HCAR2: variants seen among roughly 807,000 people sequenced by gnomAD.
HCAR2 encodes hydroxycarboxylic acid receptor 2, also known as G protein-coupled receptor HM74a.
For missense variants in HCAR2, 346 were observed against 476.6 expected, an observed-to-expected ratio of 0.73 and a Z score of 2.55; for synonymous variants, 156 against 189.4, an observed-to-expected ratio of 0.82 and a Z score of 1.45.
chr12:122,702,766 C>T lies in HCAR2; in HGVS notation c.518G>A (p.Gly173Asp), dbSNP rs144376493. 1.9e-6 allele frequency: 3 copies of T among 1,614,062 alleles called. No individual in the cohort carries two copies. The Admixed American group carries it at 5.0e-5, about 27-fold the overall frequency. Residue 173 changes from glycine to aspartate, a missense_variant, in exon 1 of 1, where the codon GGT becomes GAT. Transcript: ENST00000328880. The part of the protein sequence containing the change: ...LKKKMPIQNG[G>D]ANLCSSFSIC... ...GCTGAAGCTGCTGCACAAATTTGCA[C>T]CGCCATTCTGGATCGGCATCTTCTT...
Position 122,702,321 on chromosome 12 carries a change from T to C in HCAR2, c.963A>G (p.Pro321=). 6.2e-7 allele frequency: 1 copy of C among 1,614,188 alleles called. No individual in the cohort carries two copies. The highest frequency in any genetic ancestry group is 8.5e-7 in the Non-Finnish European group (1 of 1,179,998). The change falls in exon 1 of 1, where the codon CCA becomes CCG. Residue 321 remains proline, a synonymous_variant. Transcript: ENST00000328880. The part of the protein sequence containing the change: ...RCLQRKMTGE[P]DNNRSTSVEL... ...CGACGCTCGTGCTGCGGTTATTATC[T>C]GGCTCACCTGTCATCTTCCTCTGGA...
In HCAR2 at chr12:122,701,387, G is replaced by A. The variant is rs1445313188; in HGVS notation, c.*805C>T. 1.3e-5 allele frequency: 2 copies of A among 152,282 alleles called. No individual in the cohort carries two copies. The highest frequency in any genetic ancestry group is 3.8e-4 in the East Asian group (2 of 5,204). 9.4% of individuals were successfully genotyped at this position (152,282 alleles called of 1,614,324 possible). Reference sequence around the variant, plus strand: ...GAGGAACGTGCACCCCTCTAACTGTGGGGCAGAGGCACATTTCCCTTTTAA... The same window carrying A: ...GAGGAACGTGCACCCCTCTAACTGTAGGGCAGAGGCACATTTCCCTTTTAA... On this transcript the variant is annotated 3_prime_UTR_variant, in exon 1 of 1. Coordinates refer to ENST00000328880, the MANE Select transcript of HCAR2 (RefSeq NM_177551.4).
rs1360660857 is a variant in HCAR2, at chr12:122,703,028, T to A, written c.256A>T (p.Asn86Tyr). ...LIICLPFLMD[N>Y]YVRRWDWKFG... ...TTCCAGTCCCAACGCCTCACATAGT[T>A]GTCCATCAGGAAGGGCAGGCAGATG... The change falls in exon 1 of 1, where the codon AAC (asparagine) becomes TAC (tyrosine). Residue 86 changes from asparagine (N) to tyrosine (Y), a missense_variant. Asn to Tyr is a moderately radical substitution (Grantham distance 143). Transcript: ENST00000328880. The A allele has an allele frequency of 6.2e-7, 1 of 1,614,042 alleles. No individual in the cohort carries two copies.
chr12:122,701,606 C>G lies in HCAR2; in HGVS notation c.*586G>C, dbSNP rs190136170. ...TGGGGCTAATCCCCTATTACACCCACCGGAAACACAGATATTAACCAAAGC... is the reference window on the plus strand; with the variant it reads ...TGGGGCTAATCCCCTATTACACCCAGCGGAAACACAGATATTAACCAAAGC... On this transcript the variant is annotated 3_prime_UTR_variant, in exon 1 of 1. Transcript: ENST00000328880. 6.0e-6 allele frequency: 1 copy of G among 165,392 alleles called. No individual in the cohort carries two copies. The highest frequency in any genetic ancestry group is 1.7e-4 in the East Asian group (1 of 6,024). 10.2% of individuals were successfully genotyped at this position (165,392 alleles called of 1,614,324 possible).
rs1385055093 is a variant in HCAR2, at chr12:122,703,042, G to A, written c.242C>T (p.Pro81Leu). The A allele has an allele frequency of 6.2e-7, 1 of 1,614,006 alleles. No individual in the cohort carries two copies. The highest frequency in any genetic ancestry group is 8.5e-7 in the Non-Finnish European group (1 of 1,180,024). Residue 81 changes from proline to leucine, a missense_variant, in exon 1 of 1, where the codon CCC (proline) becomes CTC (leucine). Coordinates refer to ENST00000328880, the MANE Select transcript of HCAR2 (RefSeq NM_177551.4). ...VADFLLIICL[P>L]FLMDNYVRRW... The stretch of plus-strand genomic sequence containing the variant: ...CCTCACATAGTTGTCCATCAGGAAG[G>A]GCAGGCAGATGATCAGTAGAAAGTC...
At position 122,701,876 on chromosome 12, in the gene HCAR2, A is replaced by G. The variant is rs1877081116; in HGVS notation, c.*316T>C. On this transcript the variant is annotated 3_prime_UTR_variant, in exon 1 of 1. Transcript: ENST00000328880. ...GTGGGAAGAAGGCCAACAAGTCACAAGTAGATCTCTGGCTCCAACTCTGCT... is the reference window on the plus strand; with the variant it reads ...GTGGGAAGAAGGCCAACAAGTCACAGGTAGATCTCTGGCTCCAACTCTGCT... The G allele has an allele frequency of 1.0e-5, 5 of 498,706 alleles. No homozygotes were observed. In the East Asian group the frequency reaches 1.4e-4, roughly 14 times the overall value. The allele number at this position is 498,706 out of a possible 1,614,324, so 30.9% of individuals were successfully genotyped here. A position where few individuals can be genotyped will look rare whatever the true frequency, so the allele number is the denominator to read the frequency against.
chr12:122,703,291 G>C lies in HCAR2; in HGVS notation c.-8C>G. The C allele has an allele frequency of 2.5e-6, 4 of 1,612,776 alleles. No homozygotes were observed. Among genetic ancestry groups the C allele is most frequent in the Non-Finnish European group, 3.4e-6 (4 of 1,178,896 alleles). ...CAGATGGTGCCGATTCATGAGTGCG[G>C]CTAGTGAGTCCGATGGAGCGCCTCG... On this transcript the variant is annotated 5_prime_UTR_variant, in exon 1 of 1. Coordinates refer to ENST00000328880, the MANE Select transcript of HCAR2 (RefSeq NM_177551.4).
rs761348052 is a variant in HCAR2 at position 122,702,927 on chromosome 12, C to T, written c.357G>A (p.Thr119=). 17 of 1,613,984 alleles carry T rather than the reference C, an allele frequency of 1.1e-5. No individual in the cohort carries two copies. Among genetic ancestry groups the T allele is most frequent in the Non-Finnish European group, 1.4e-5 (17 of 1,180,036 alleles). ...GGAAATACCTGTCTACCGCCACCACCGTGAGGAAGATGATGCTGCCCTGGC... is the reference window on the plus strand; with the variant it reads ...GGAAATACCTGTCTACCGCCACCACTGTGAGGAAGATGATGCTGCCCTGGC... ...MNRQGSIIFL[T]VVAVDRYFRV... is the part of the protein sequence containing the mutation. Residue 119 remains threonine (T), a synonymous_variant, in exon 1 of 1, where the codon ACG becomes ACA. Coordinates refer to ENST00000328880, the MANE Select transcript of HCAR2 (RefSeq NM_177551.4).
In HCAR2 at chr12:122,702,181, G is replaced by T. The variant is rs781418305; in HGVS notation, c.*11C>A. On this transcript the variant is annotated 3_prime_UTR_variant, in exon 1 of 1. Coordinates refer to ENST00000328880, the MANE Select transcript of HCAR2 (RefSeq NM_177551.4). ...GTTCTTGGTGACAATGTCCCTTCTTGGCATGGTTATTTAAGGAGAGGTTGG... is the reference window on the plus strand; with the variant it reads ...GTTCTTGGTGACAATGTCCCTTCTTTGCATGGTTATTTAAGGAGAGGTTGG... 3 of 1,613,980 alleles carry T rather than the reference G, an allele frequency of 1.9e-6. No individual in the cohort carries two copies. In the South Asian group the frequency reaches 3.3e-5, roughly 18 times the overall value.
rs769324287 is a variant in HCAR2 at position 122,702,213 on chromosome 12, A to G, written c.1071T>C (p.Tyr357=). ...TTATTTAAGGAGAGGTTGGGCCCAG[A>G]TAAGAGGGGCTCCATGGCTCACCGG... ...ANSGEPWSPS[Y]LGPTSP Residue 357 remains tyrosine (Y), a synonymous_variant, in exon 1 of 1, where the codon TAT becomes TAC. Transcript: ENST00000328880. The G allele has an allele frequency of 1.2e-6, 2 of 1,614,198 alleles. No individual in the cohort carries two copies.
rs201792054 is a variant in HCAR2 at position 122,703,000 on chromosome 12, A to G, written c.284T>C (p.Phe95Ser). 5.0e-6 allele frequency: 8 copies of G among 1,614,118 alleles called. No homozygotes were observed. The highest frequency in any genetic ancestry group is 1.7e-6 in the Non-Finnish European group (2 of 1,180,012). The change falls in exon 1 of 1, where the codon TTT becomes TCT. Residue 95 changes from phenylalanine to serine, a missense_variant. Physicochemically the swap from Phe to Ser is radical, Grantham distance 155. Coordinates refer to ENST00000328880, the MANE Select transcript of HCAR2 (RefSeq NM_177551.4). ...CATCAGCCGGCAAGGGATGTCCCCA[A>G]ACTTCCAGTCCCAACGCCTCACATA... ...DNYVRRWDWK[F>S]GDIPCRLMLF...
At position 122,701,986 on chromosome 12, in the gene HCAR2, C is replaced by G; in HGVS notation, c.*206G>C. On this transcript the variant is annotated 3_prime_UTR_variant, in exon 1 of 1. Transcript: ENST00000328880. ...AAGTTTCAGATGCCTAGAAGCTTTACTCTCTATTCCTCCAGGATTCCTGCG... is the reference window on the plus strand; with the variant it reads ...AAGTTTCAGATGCCTAGAAGCTTTAGTCTCTATTCCTCCAGGATTCCTGCG... 1 of 981,618 alleles carries G rather than the reference C, an allele frequency of 1.0e-6. No individual in the cohort carries two copies. Among genetic ancestry groups the G allele is most frequent in the Admixed American group, 2.4e-5 (1 of 41,964 alleles). The allele number at this position is 981,618 out of a possible 1,614,324, so 60.8% of individuals were successfully genotyped here.
chr12:122,702,766 C>A lies in HCAR2; in HGVS notation c.518G>T (p.Gly173Val), dbSNP rs144376493. The change falls in exon 1 of 1, where the codon GGT (glycine) becomes GTT (valine). Residue 173 changes from glycine (G) to valine (V), a missense_variant. Gly to Val is a moderately radical substitution (Grantham distance 109). Coordinates refer to ENST00000328880, the MANE Select transcript of HCAR2 (RefSeq NM_177551.4). Reference protein sequence around the residue: ...LKKKMPIQNGGANLCSSFSIC... With the variant: ...LKKKMPIQNGVANLCSSFSIC... ...GCTGAAGCTGCTGCACAAATTTGCA[C>A]CGCCATTCTGGATCGGCATCTTCTT... The A allele has an allele frequency of 6.2e-7, 1 of 1,613,822 alleles. No individual in the cohort carries two copies. The highest frequency in any genetic ancestry group is 1.7e-5 in the Admixed American group (1 of 60,000).
chr12:122,701,569 C>T lies in HCAR2; in HGVS notation c.*623G>A, dbSNP rs1222480595. 2 of 158,754 alleles carry T rather than the reference C, an allele frequency of 1.3e-5. No individual in the cohort carries two copies. Among genetic ancestry groups the T allele is most frequent in the Admixed American group, 5.8e-5 (1 of 17,122 alleles). 9.8% of individuals were successfully genotyped at this position (158,754 alleles called of 1,614,324 possible). A position where few individuals can be genotyped will look rare whatever the true frequency, so the allele number is the denominator to read the frequency against. ...CCTTTCCCATAATAACACTGTTTAG[C>T]TCAGTCCCTTCTGGGGCTAATCCCC... On this transcript the variant is annotated 3_prime_UTR_variant, in exon 1 of 1. Transcript: ENST00000328880.
chr12:122,702,563 C>G lies in HCAR2; in HGVS notation c.721G>C (p.Val241Leu). 4 of 1,614,212 alleles carry G rather than the reference C, an allele frequency of 2.5e-6. No individual in the cohort carries two copies. The highest frequency in any genetic ancestry group is 3.4e-6 in the Non-Finnish European group (4 of 1,180,042). The change falls in exon 1 of 1, where the codon GTC (valine) becomes CTC (leucine). Residue 241 changes from valine (V) to leucine (L), a missense_variant. Val to Leu is a conservative substitution (Grantham distance 32). Coordinates refer to ENST00000328880, the MANE Select transcript of HCAR2 (RefSeq NM_177551.4). ...TFIMVVAIVFVICFLPSVVVR... is the reference protein window; with the variant it reads ...TFIMVVAIVFLICFLPSVVVR... ...ACCACGCTGGGAAGGAAGCAGATGA[C>G]AAAGACGATGGCCACCACCATGATG...
rs202220470 is a variant in HCAR2, at chr12:122,702,145, C to T, written c.*47G>A. ...CGATGCAACAGCCCAACTGTTTCTCCAGAGATCCTGGTTCTTGGTGACAAT... is the reference window on the plus strand; with the variant it reads ...CGATGCAACAGCCCAACTGTTTCTCTAGAGATCCTGGTTCTTGGTGACAAT... On this transcript the variant is annotated 3_prime_UTR_variant, in exon 1 of 1. Coordinates refer to ENST00000328880, the MANE Select transcript of HCAR2 (RefSeq NM_177551.4). The T allele has an allele frequency of 1.0e-4, 169 of 1,613,004 alleles. No individual in the cohort carries two copies. In the African/African-American group the frequency reaches 2.0e-3, roughly 19 times the overall value.
Position 122,702,311 on chromosome 12 carries a change from G to C in HCAR2, c.973C>G (p.Arg325Gly). ...RKMTGEPDNN[R>G]STSVELTGDP... is the part of the protein sequence containing the mutation. ...CCTGTGAGCTCGACGCTCGTGCTGC[G>C]GTTATTATCTGGCTCACCTGTCATC... is the stretch of plus-strand genomic sequence containing the variant. Residue 325 changes from arginine to glycine, a missense_variant, in exon 1 of 1, where the codon CGC becomes GGC. Transcript: ENST00000328880. 1.2e-6 allele frequency: 2 copies of C among 1,614,084 alleles called. No individual in the cohort carries two copies. The highest frequency in any genetic ancestry group is 1.1e-5 in the South Asian group (1 of 91,072).
At position 122,702,046 on chromosome 12, in the gene HCAR2, C is replaced by T. The variant is rs1877086019; in HGVS notation, c.*146G>A. On this transcript the variant is annotated 3_prime_UTR_variant, in exon 1 of 1. Coordinates refer to ENST00000328880, the MANE Select transcript of HCAR2 (RefSeq NM_177551.4). ...TGCAACCAGTCTCCCACTCATCTGC[C>T]ACCGTTTCCCTAAATCGCATTCTCT... is the stretch of plus-strand genomic sequence containing the variant. The T allele has an allele frequency of 5.2e-6, 7 of 1,359,098 alleles. No individual in the cohort carries two copies. Among genetic ancestry groups the T allele is most frequent in the South Asian group, 1.4e-5 (1 of 73,446 alleles). 84.2% of individuals were successfully genotyped at this position (1,359,098 alleles called of 1,614,324 possible).
rs201091527 is a variant in HCAR2, at chr12:122,702,543, G to A, written c.741C>T (p.Ser247=). Residue 247 remains serine (S), a synonymous_variant, in exon 1 of 1, where the codon AGC becomes AGT. Transcript: ENST00000328880. ...AIVFVICFLP[S]VVVRIRIFWL... ...AGAAGATGCGGATCCGCACAACCAC[G>A]CTGGGAAGGAAGCAGATGACAAAGA... 8.1e-6 allele frequency: 13 copies of A among 1,614,072 alleles called. No individual in the cohort carries two copies. Among genetic ancestry groups the A allele is most frequent in the East Asian group, 4.5e-5 (2 of 44,898 alleles).
Sources: allele counts gnomAD v4.1 joint callset, GRCh38; gene constraint gnomAD v4.1.1; transcripts MANE v1.5; gene names NCBI Gene and HGNC (gene_info 2026-07-23, HGNC 2026-07-21).